Variants in KAZN observed in about 807,000 individuals in gnomAD.
The protein encoded by KAZN is kazrin.
A neutral mutation model predicts 87.4 loss-of-function variants in KAZN; 40 were observed. The observed-to-expected ratio is 0.46, with a 90% CI of 0.36 to 0.60. KAZN has a LOEUF of 0.60. Among genes scored for constraint, KAZN ranks in the 20% least tolerant of loss-of-function variants. The pLI, the probability that KAZN is intolerant of heterozygous loss-of-function variation, is 0.00. For synonymous variants in KAZN, 466 were observed against 458.3 expected (o/e 1.02, Z -0.22); for missense variants, 898 against 1,073.9 (o/e 0.84, Z 2.29).
At chr1:14,453,949 CAA>C (rs1667422556) in intron 2 of KAZN, among the ~76,000 whole-genome samples, 1 of 152,156 alleles carries the variant, frequency 6.6e-6, no homozygotes, top group African/African-American at 2.4e-5. Context: ...CCATATTCAA[CAA>C]AGACATAAAA....
chr1:14,569,602 A>G (rs1391916162), intron 2 of KAZN, among the ~76,000 whole-genome samples: 1 of 151,734 alleles, frequency 6.6e-6, no homozygotes, highest in East Asian at 2.0e-4. Flanking sequence ...GATTACAGGC[A>G]TGAGCCACCG....
At chr1:14,594,986 A>T (rs531954835), upstream of KAZN, among the ~76,000 whole-genome samples, 7 of 152,218 alleles carry the variant, frequency 4.6e-5, no homozygotes, top group African/African-American at 1.7e-4. Flanking sequence ...CTCTACTAAA[A>T]ATACAAAAAT....
rs2235788 is a variant in KAZN, at chr1:15,116,299, T to C, written c.*1664T>C. 0.47 allele frequency: 72,203 copies of C among 152,096 alleles called. 17,340 individuals carry two copies. Among genetic ancestry groups the C allele is most frequent in the East Asian group, 0.68 (3,519 of 5,174 alleles). 9.4% of individuals were successfully genotyped at this position (152,096 alleles called of 1,614,324 possible). A position where few individuals can be genotyped will look rare whatever the true frequency, so the allele number is the denominator to read the frequency against. Reference sequence around the variant, plus strand: ...TTCTTCAACCTGGCAAATTGTTTCCTCTCATGGGGGAAGCCGAGCTCTGAT... The same window carrying C: ...TTCTTCAACCTGGCAAATTGTTTCCCCTCATGGGGGAAGCCGAGCTCTGAT... On this transcript the variant is annotated 3_prime_UTR_variant, in exon 15 of 15. Coordinates refer to ENST00000376030, the MANE Select transcript of KAZN (RefSeq NM_201628.3).
At chr1:14,256,806 C>G (rs1033512882) in intron 2 of KAZN, among the ~76,000 whole-genome samples, 1 of 152,132 alleles carries the variant, frequency 6.6e-6, no homozygotes, top group Admixed American at 6.5e-5. Context: ...CCTAAATTTA[C>G]TCTCCCCATG....
chr1:14,506,854 G>T (rs144177001), intron 2 of KAZN, among the ~76,000 whole-genome samples: 1 of 152,146 alleles, frequency 6.6e-6, no homozygotes, highest in South Asian at 2.1e-4. Flanking sequence ...GAAAAGATAC[G>T]GTGGCTACCG....
chr1:15,034,389 A>G (rs1467195209), intron 2 of KAZN, among the ~76,000 whole-genome samples: 2 of 152,130 alleles, frequency 1.3e-5, no homozygotes, highest in African/African-American at 2.4e-5. Flanking sequence ...TTTGAGAGGG[A>G]ACTGAGGCCC....
chr1:14,473,303 T>C (rs1444737655), intron 2 of KAZN, among the ~76,000 whole-genome samples: 2 of 152,218 alleles, frequency 1.3e-5, no homozygotes, highest in African/African-American at 2.4e-5. Flanking sequence ...GGGTAGCTTA[T>C]ATTGTTATTT....
intron 1 of KAZN, among the ~76,000 whole-genome samples, chr1:14,065,658 A>G (rs1435043986): frequency 6.6e-6 from 1 of 152,006 alleles, no homozygotes; most frequent in East Asian, 1.9e-4. Flanking sequence ...GCAGGTTCCA[A>G]TCCAGGCATC....
chr1:14,299,973 T>C (rs1433265182), intron 2 of KAZN, among the ~76,000 whole-genome samples: 1 of 152,040 alleles, frequency 6.6e-6, no homozygotes, highest in Non-Finnish European at 1.5e-5. Flanking sequence ...CATGGTTAGT[T>C]GGGAAAGGCC....
chr1:14,613,007 A>C (rs1288080073), intron 1 of KAZN, among the ~76,000 whole-genome samples: 1 of 152,114 alleles, frequency 6.6e-6, no homozygotes, highest in Non-Finnish European at 1.5e-5. Flanking sequence ...CAAAGACAAG[A>C]TTGGGTATTT....
chr1:15,000,523 G>A (rs1668359102), intron 2 of KAZN, among the ~76,000 whole-genome samples: 1 of 151,764 alleles, frequency 6.6e-6, no homozygotes, highest in East Asian at 1.9e-4. Context: ...GGGGTACAGA[G>A]GGTGTCGTGA....
At chr1:14,860,225 T>G (rs941793894) in intron 1 of KAZN, among the ~76,000 whole-genome samples, 4 of 151,790 alleles carry the variant, frequency 2.6e-5, no homozygotes, top group African/African-American at 7.3e-5. Flanking sequence ...AGGGTCTCAC[T>G]CTGTTGCCCA....
intron 1 of KAZN, among the ~76,000 whole-genome samples, chr1:14,133,452 T>C (rs1048743766): frequency 6.7e-6 from 1 of 150,158 alleles, no homozygotes; most frequent in Non-Finnish European, 1.5e-5. Context: ...TAGGGGAATC[T>C]ATGTGTAACT....
chr1:14,081,380 G>A (rs940734349), intron 1 of KAZN, among the ~76,000 whole-genome samples: 1 of 151,982 alleles, frequency 6.6e-6, no homozygotes, highest in Non-Finnish European at 1.5e-5. Context: ...TGAGCTTGTT[G>A]CATACATTTT....
At chr1:14,171,848 A>G (rs1244318274) in intron 1 of KAZN, among the ~76,000 whole-genome samples, 1 of 152,202 alleles carries the variant, frequency 6.6e-6, no homozygotes, top group Non-Finnish European at 1.5e-5. Flanking sequence ...GCTATACTTC[A>G]TCTGATCCAT....
chr1:14,978,753 G>C (rs985883541), intron 2 of KAZN, among the ~76,000 whole-genome samples: 1 of 152,128 alleles, frequency 6.6e-6, no homozygotes, highest in Non-Finnish European at 1.5e-5. Flanking sequence ...GGCTTTGCCA[G>C]GCAGAGGCAG....
chr1:14,358,606 A>G (rs1459332169), intron 2 of KAZN, among the ~76,000 whole-genome samples: 2 of 152,140 alleles, frequency 1.3e-5, no homozygotes, highest in Non-Finnish European at 1.5e-5. Flanking sequence ...TGTGTCCCAG[A>G]GATTCTGGTA....
chr1:15,063,365 A>G (rs2076567), intron 6 of KAZN: 168,527 of 587,714 alleles, frequency 0.29, 31,426 homozygotes, highest in East Asian at 0.69. Flanking sequence ...GGACCCCAGG[A>G]ACTCTAGGGA....
rs146676510 is a variant in KAZN, at chr1:15,021,869, A to T, written c.419-12880A>T. The stretch of plus-strand genomic sequence containing the variant: ...TGATAAAGACATACCCGAGACTAGG[A>T]CATTTACAAAGAAAAAGAGGTTGGG... On this transcript the variant is annotated intron_variant, in intron 2 of 14. Coordinates refer to ENST00000376030, the MANE Select transcript of KAZN (RefSeq NM_201628.3). The surrounding 1 kb of genome is among the most constrained non-coding windows in gnomAD (Gnocchi z 4.2). 1.9e-3 allele frequency among the ~76,000 whole-genome samples: 280 copies of T among 151,324 alleles called. 3 individuals carry two copies. The highest frequency in any genetic ancestry group is 5.3e-4 in the Non-Finnish European group (36 of 67,678).
Sources: gnomAD v4.1 joint callset for allele counts (sites outside exome capture counted in the v4.1 genomes callset) on GRCh38, gnomAD v4.1.1 for gene constraint, Gnocchi (gnomAD v3.1) non-coding constraint, MANE v1.5 for transcripts, NCBI Gene and HGNC (gene_info 2026-07-23, HGNC 2026-07-21) for gene names.